The following USH2A variants were observed in gnomAD, a reference collection of about 807,000 sequenced individuals.
USH2A encodes the protein usherin.
USH2A carries 443 observed loss-of-function variants against 538.9 expected under a neutral mutation model. The observed-to-expected ratio is 0.82, with a 90% CI of 0.76 to 0.89. The LOEUF (loss-of-function observed/expected upper bound fraction) is 0.89, where lower values mean the gene tolerates loss of function less well. USH2A is among the 40% of genes least tolerant of loss of function. USH2A has a pLI of 0.00. For missense variants in USH2A, 6,633 were observed against 6,324.8 expected (o/e 1.05, Z -1.65); for synonymous variants, 2,413 against 2,273.5 (o/e 1.06, Z -1.75).
chr1:215,779,451 A>G (rs1027709384), intron 55 of USH2A, among the ~76,000 whole-genome samples: 1 of 152,216 alleles, frequency 6.6e-6, no homozygotes, highest in African/African-American at 2.4e-5. Flanking sequence ...TCCACTTGAT[A>G]GACAAATGTT....
At chr1:216,093,771 CA>C (rs1475465100) in intron 22 of USH2A, among the ~76,000 whole-genome samples, 1 of 152,146 alleles carries the variant, frequency 6.6e-6, no homozygotes, top group Non-Finnish European at 1.5e-5. Context: ...GCCAGAATTC[CA>C]ATGAGTGTCA....
At chr1:215,850,309 A>G (rs1663982427) in intron 44 of USH2A, among the ~76,000 whole-genome samples, 1 of 152,186 alleles carries the variant, frequency 6.6e-6, no homozygotes, top group African/African-American at 2.4e-5. Context: ...TTTAAATTTT[A>G]AAATATAGTC....
intron 37 of USH2A, among the ~76,000 whole-genome samples, chr1:215,946,603 T>A (rs1666763039): frequency 6.6e-6 from 1 of 152,218 alleles, no homozygotes; most frequent in African/African-American, 2.4e-5. Flanking sequence ...AGTTTGGCAT[T>A]GATTTAACTT....
chr1:216,062,342 T>C (rs1553296553), intron 30 of USH2A, among the ~76,000 whole-genome samples: 1 of 151,896 alleles, frequency 6.6e-6, no homozygotes, highest in Non-Finnish European at 1.5e-5. Flanking sequence ...GCAAGCTAGA[T>C]GAGGAAAAAG....
intron 40 of USH2A, among the ~76,000 whole-genome samples, chr1:215,899,081 T>C (rs1283730054): frequency 6.6e-6 from 1 of 152,208 alleles, no homozygotes; most frequent in African/African-American, 2.4e-5. Context: ...TAGATTGTAC[T>C]GATAATGTCT....
chr1:215,736,034 G>GGTCATATA (rs1453955234), intron 60 of USH2A, among the ~76,000 whole-genome samples: 2 of 152,060 alleles, frequency 1.3e-5, no homozygotes, highest in Non-Finnish European at 2.9e-5. Flanking sequence ...ACTTGCCTAA[G>GGTCATATA]GTCATATAAC....
chr1:216,349,532 C>A (rs2038237861), intron 4 of USH2A, among the ~76,000 whole-genome samples: 1 of 152,070 alleles, frequency 6.6e-6, no homozygotes, highest in African/African-American at 2.4e-5. Flanking sequence ...CAGCTAAAAC[C>A]CACGAAAACC....
chr1:216,139,738 A>G (rs1343135080), intron 21 of USH2A, among the ~76,000 whole-genome samples: 1 of 152,150 alleles, frequency 6.6e-6, no homozygotes, highest in African/African-American at 2.4e-5. Context: ...AATTTACTTG[A>G]GCATTCATCT....
At chr1:215,979,968 G>C (rs923992284) in intron 35 of USH2A, among the ~76,000 whole-genome samples, 1 of 152,140 alleles carries the variant, frequency 6.6e-6, no homozygotes, top group African/African-American at 2.4e-5. Context: ...TAAAATCTTA[G>C]TTGTGATATT....
Position 215,888,059 on chromosome 1 carries a change from T to C in USH2A, c.8223+367A>G, listed in dbSNP as rs1665109915. ...TTGATTATTAAAAAATACCAGACTA[T>C]TGGTAATGGAAAATTTTGTTAATAT... On this transcript the variant is annotated intron_variant, in intron 41 of 71. Transcript: ENST00000307340. Among the ~76,000 whole-genome samples, 4 of 152,350 alleles carry C rather than the reference T, an allele frequency of 2.6e-5. No individual in the cohort carries two copies. In the Middle Eastern group the frequency reaches 0.01, roughly 389 times the overall value.
At position 216,200,049 on chromosome 1, in the gene USH2A, A is replaced by C. The variant is rs146442391; in HGVS notation, c.3389T>G (p.Val1130Gly). The C allele has an allele frequency of 8.7e-6, 14 of 1,613,856 alleles. No homozygotes were observed. In the African/African-American group the frequency reaches 1.7e-4, roughly 20 times the overall value. ...AGCTACACTCCTTGTTGAACCATGC[A>C]CATTGGTGGTCTCAATGTAATAGGA... is the stretch of plus-strand genomic sequence containing the variant. ...KYSYYIETTN[V>G]HGSTRSVAVT... The change falls in exon 17 of 72, where the codon GTG becomes GGG. Residue 1130 changes from valine (V) to glycine (G), a missense_variant. Coordinates refer to ENST00000307340, the MANE Select transcript of USH2A (RefSeq NM_206933.4).
chr1:216,323,991 C>A (rs2037672714), intron 7 of USH2A, among the ~76,000 whole-genome samples, 177 bp downstream of exon 7: 1 of 152,028 alleles, frequency 6.6e-6, no homozygotes, highest in South Asian at 2.1e-4. Flanking sequence ...ACTCTAATGT[C>A]TTTTACAAGA....
At chr1:215,750,417 CCT>C (rs1660589836) in intron 58 of USH2A, among the ~76,000 whole-genome samples, 1 of 152,058 alleles carries the variant, frequency 6.6e-6, no homozygotes, top group African/African-American at 2.4e-5. Context: ...ATGTTTTGCC[CCT>C]GAGTGGGGCT....
In USH2A at chr1:215,728,266, C is replaced by G; in HGVS notation, c.11830G>C (p.Ala3944Pro). Residue 3944 changes from alanine to proline, a missense_variant, in exon 61 of 72, where the codon GCC becomes CCC. Coordinates refer to ENST00000307340, the MANE Select transcript of USH2A (RefSeq NM_206933.4). ...TCCACTGAACCCTTGGAGTTACAGG[C>G]TCTGACCCGATATTCGTAGAGTGTG... Reference protein sequence around the residue: ...PFTLYEYRVRACNSKGSVESL... With the variant: ...PFTLYEYRVRPCNSKGSVESL... 1 of 1,614,120 alleles carries G rather than the reference C, an allele frequency of 6.2e-7. No homozygotes were observed. Among genetic ancestry groups the G allele is most frequent in the South Asian group, 1.1e-5 (1 of 91,082 alleles).
chr1:215,674,858 A>G lies in USH2A; in HGVS notation c.13053T>C (p.Thr4351=). 6.2e-7 allele frequency: 1 copy of G among 1,614,022 alleles called. No individual in the cohort carries two copies. Among genetic ancestry groups the G allele is most frequent in the Non-Finnish European group, 8.5e-7 (1 of 1,179,994 alleles). Residue 4351 remains threonine, a synonymous_variant, in exon 63 of 72, where the codon ACT becomes ACC. Transcript: ENST00000307340. ...CSTSKPTSIT[T]LEAAPSEVSP... ...TGACTTCTGATGGAGCAGCCTCCAG[A>G]GTTGTGATGCTGGTGGGTTTGCTGG... is the stretch of plus-strand genomic sequence containing the variant.
intron 44 of USH2A, among the ~76,000 whole-genome samples, chr1:215,861,836 C>A (rs1460020285): frequency 8.2e-6 from 1 of 122,172 alleles, no homozygotes; most frequent in Non-Finnish European, 1.6e-5. Context: ...TAGTAGTTTT[C>A]GCTTTTTTTT....
At chr1:215,817,998 C>A (rs1411562979) in intron 47 of USH2A, among the ~76,000 whole-genome samples, 1 of 151,944 alleles carries the variant, frequency 6.6e-6, no homozygotes, top group Non-Finnish European at 1.5e-5. Flanking sequence ...TCCACTTCCA[C>A]TTAATGAATA....
chr1:216,417,405 C>T (rs564214212), intron 3 of USH2A, among the ~76,000 whole-genome samples: 2 of 152,124 alleles, frequency 1.3e-5, no homozygotes, highest in South Asian at 2.1e-4. Context: ...AACTGTGGTA[C>T]CCAGCACCCC....
At chr1:215,988,349 T>C (rs933305078) in intron 35 of USH2A, among the ~76,000 whole-genome samples, 5 of 152,218 alleles carry the variant, frequency 3.3e-5, no homozygotes, top group African/African-American at 9.6e-5. Flanking sequence ...CCAGAGCATA[T>C]TGTATGACAG....
Sources: gnomAD v4.1 joint callset for allele counts (sites outside exome capture counted in the v4.1 genomes callset) on GRCh38, gnomAD v4.1.1 for gene constraint, MANE v1.5 for transcripts, NCBI Gene and HGNC (gene_info 2026-07-23, HGNC 2026-07-21) for gene names.